ADGRB3: variants seen among roughly 807,000 people sequenced by gnomAD.
ADGRB3 encodes adhesion G protein-coupled receptor B3.
Under a neutral mutation model 193.4 loss-of-function variants are expected in ADGRB3, and 37 were observed. The observed-to-expected ratio is 0.19, with a 90% CI of 0.15 to 0.25. The LOEUF is 0.25. ADGRB3 is among the 10% of genes least tolerant of loss of function. The pLI, the probability that ADGRB3 is intolerant of heterozygous loss-of-function variation, is 1.00. For synonymous variants in ADGRB3, 690 were observed against 644.2 expected, an observed-to-expected ratio of 1.07 and a Z score of -1.08; for missense variants, 1,637 against 1,852.9, an observed-to-expected ratio of 0.88 and a Z score of 2.14.
chr6:69,063,036 T>C lies in ADGRB3; in HGVS notation c.2436T>C (p.Asn812=), dbSNP rs764887256. The change falls in exon 16 of 32, where the codon AAT becomes AAC. Residue 812 remains asparagine (N), a splice_region_variant and synonymous_variant. Coordinates refer to ENST00000370598, the MANE Select transcript of ADGRB3 (RefSeq NM_001704.3). ...FLEIELAHLA[N]GTLNPYCVLW... ...AGATAGAACTAGCTCATTTGGCTAA[T>C]GTAAGTACCATCCACTGGGCACTGA... The C allele has an allele frequency of 6.2e-7, 1 of 1,606,452 alleles. No individual in the cohort carries two copies. Among genetic ancestry groups the C allele is most frequent in the Non-Finnish European group, 8.5e-7 (1 of 1,173,660 alleles).
chr6:68,740,476 T>C (rs770858533), intron 3 of ADGRB3, among the ~76,000 whole-genome samples: 1 of 152,136 alleles, frequency 6.6e-6, no homozygotes, highest in Non-Finnish European at 1.5e-5. Flanking sequence ...AGAGCATCTT[T>C]AAGAAAAAAA....
chr6:69,043,290 G>GAGAAAGAAAGAAAGAAAGAAAGAA (rs145178367), intron 13 of ADGRB3, among the ~76,000 whole-genome samples: 1,027 of 88,052 alleles, frequency 0.012, 14 homozygotes, highest in Middle Eastern at 0.027. Context: ...GGAAGAAAGA[G>GAGAAAGAAAGAAAGAAAGAAAGAA]AGAAAGAAAG....
intron 3 of ADGRB3, among the ~76,000 whole-genome samples, chr6:68,782,786 T>C (rs1312898420): frequency 6.6e-6 from 1 of 152,162 alleles, no homozygotes; most frequent in African/African-American, 2.4e-5. Flanking sequence ...GAGAAGTGTC[T>C]GTTCATATCC....
intron 3 of ADGRB3, among the ~76,000 whole-genome samples, chr6:68,722,428 G>T (rs1765600203): frequency 6.6e-6 from 1 of 151,652 alleles, no homozygotes; most frequent in African/African-American, 2.4e-5. Context: ...GTACGTCTAT[G>T]TGACAAACCT....
At position 69,046,982 on chromosome 6, in the gene ADGRB3, C is replaced by G. The variant is rs186004070; in HGVS notation, c.2108-1203C>G. 7.9e-4 allele frequency among the ~76,000 whole-genome samples: 120 copies of G among 152,240 alleles called. 1 individual carries two copies. The East Asian group carries it at 0.023, about 29-fold the overall frequency. Reference sequence around the variant, plus strand: ...ACACCATTCTTCTGCCTCAGCCTCCCGAGTAGCTGGGACTACAGATGCCCA... The same window carrying G: ...ACACCATTCTTCTGCCTCAGCCTCCGGAGTAGCTGGGACTACAGATGCCCA... On this transcript the variant is annotated intron_variant, in intron 13 of 31. Transcript: ENST00000370598.
chr6:69,082,440 C>T (rs1772413795), intron 17 of ADGRB3, among the ~76,000 whole-genome samples: 1 of 152,034 alleles, frequency 6.6e-6, no homozygotes, highest in Non-Finnish European at 1.5e-5. Context: ...TGTTTCCTAT[C>T]CTTTTCATCT....
intron 20 of ADGRB3, among the ~76,000 whole-genome samples, chr6:69,283,907 T>C (rs539027703): frequency 6.6e-6 from 1 of 152,266 alleles, no homozygotes; most frequent in East Asian, 1.9e-4. Context: ...TACTTGTACA[T>C]ATTCCCCCAT....
rs201016675 is a variant in ADGRB3 at position 68,855,636 on chromosome 6, C to A, written c.758-74923C>A. Among the ~76,000 whole-genome samples, 13 of 152,166 alleles carry A rather than the reference C, an allele frequency of 8.5e-5. No homozygotes were observed. The East Asian group carries it at 2.5e-3, about 29-fold the overall frequency. On this transcript the variant is annotated intron_variant, in intron 3 of 31. Transcript: ENST00000370598. The stretch of plus-strand genomic sequence containing the variant: ...TAACACATGTTAGATGATTAAAAAA[C>A]TTTACTCTTCAAAGAACAATAGAAA...
chr6:68,693,819 G>T (rs1765116159), intron 3 of ADGRB3, among the ~76,000 whole-genome samples: 1 of 151,894 alleles, frequency 6.6e-6, no homozygotes, highest in South Asian at 2.1e-4. Flanking sequence ...TTTAAGCGAT[G>T]GTCTTCAGTA....
chr6:68,752,593 G>C (rs541847565), intron 3 of ADGRB3, among the ~76,000 whole-genome samples: 35 of 152,198 alleles, frequency 2.3e-4, no homozygotes, highest in Admixed American at 8.5e-4. Context: ...GGATATTCTT[G>C]AAATATGAAG....
At chr6:69,194,863 G>C (rs1765265242) in intron 17 of ADGRB3, among the ~76,000 whole-genome samples, 1 of 152,062 alleles carries the variant, frequency 6.6e-6, no homozygotes. Flanking sequence ...TAAGAGTCCA[G>C]GATTATGAGA....
chr6:69,032,209 C>G (rs1015055287), intron 13 of ADGRB3, among the ~76,000 whole-genome samples: 9 of 152,150 alleles, frequency 5.9e-5, no homozygotes, highest in Non-Finnish European at 1.3e-4. Context: ...CAGTTGACTT[C>G]ATTGTTATTT....
intron 13 of ADGRB3, among the ~76,000 whole-genome samples, chr6:69,021,250 T>C (rs1379680467): frequency 1.3e-5 from 2 of 152,020 alleles, no homozygotes; most frequent in East Asian, 3.9e-4. Flanking sequence ...AAAATCATAA[T>C]GTATTTTAGA....
At chr6:69,177,881 T>C (rs1775470742) in intron 17 of ADGRB3, among the ~76,000 whole-genome samples, 1 of 152,202 alleles carries the variant, frequency 6.6e-6, no homozygotes, top group African/African-American at 2.4e-5. Context: ...TGGAATATGG[T>C]CCATGTGCAG....
chr6:69,129,482 TA>T (rs3839466), intron 17 of ADGRB3, among the ~76,000 whole-genome samples: 52 of 152,032 alleles, frequency 3.4e-4, no homozygotes, highest in South Asian at 1.0e-3. Context: ...TAAAAGAGCT[TA>T]AAAAAACATA....
At chr6:68,798,829 T>TA (rs1363381571) in intron 3 of ADGRB3, among the ~76,000 whole-genome samples, 1 of 152,084 alleles carries the variant, frequency 6.6e-6, no homozygotes, top group Non-Finnish European at 1.5e-5. Flanking sequence ...CTACTCACAG[T>TA]AAAAATACAT....
intron 17 of ADGRB3, among the ~76,000 whole-genome samples, chr6:69,219,330 G>T (rs1356475496): frequency 2.0e-5 from 3 of 151,196 alleles, no homozygotes; most frequent in Non-Finnish European, 3.0e-5. Context: ...TCTTTTTGGA[G>T]AACTTGGCGT....
chr6:69,350,300 T>C (rs1769194802), intron 26 of ADGRB3, among the ~76,000 whole-genome samples: 1 of 151,150 alleles, frequency 6.6e-6, no homozygotes, highest in Admixed American at 6.6e-5. Context: ...TCGCCATTCT[T>C]TTTTTTTTTC....
At chr6:69,321,967 C>A (rs1009304132) in intron 20 of ADGRB3, among the ~76,000 whole-genome samples, 5 of 151,730 alleles carry the variant, frequency 3.3e-5, no homozygotes, top group South Asian at 2.1e-4. Context: ...AGGTATTAAG[C>A]CTAGTACCAA....
Sources: allele counts gnomAD v4.1 joint callset (sites outside exome capture counted in the v4.1 genomes callset), GRCh38; gene constraint gnomAD v4.1.1; transcripts MANE v1.5; gene names NCBI Gene and HGNC (gene_info 2026-07-23, HGNC 2026-07-21).